CLCN2: variants seen among roughly 807,000 people sequenced by gnomAD.
The protein encoded by CLCN2 is chloride voltage-gated channel 2.
In CLCN2, 72 loss-of-function variants were observed where a neutral mutation model predicts 108.3. The observed-to-expected ratio is 0.66, with a 90% CI of 0.55 to 0.81. CLCN2 has a LOEUF of 0.81. Among genes scored for constraint, CLCN2 ranks in the 30% least tolerant of loss-of-function variants. The pLI is 0.00. For synonymous variants in CLCN2, 471 were observed against 467.1 expected, an observed-to-expected ratio of 1.01 and a Z score of -0.11; for missense variants, 1,048 against 1,205.2, an observed-to-expected ratio of 0.87 and a Z score of 1.93.
At chr3:184,353,605 C>G in intron 16 of CLCN2, 57 bp downstream of exon 16, 1 of 1,606,376 alleles carries the variant, frequency 6.2e-7, no homozygotes, top group East Asian at 2.2e-5. Context: ...CCTGCCCCTT[C>G]CCGAAGCTTC....
intron 16 of CLCN2, 34 bp from the exon 17 acceptor site, chr3:184,353,456 A>C: frequency 6.3e-7 from 1 of 1,578,064 alleles, no homozygotes; most frequent in Non-Finnish European, 8.6e-7. Flanking sequence ...TCAGGAGCTG[A>C]GAGGGAGCCC....
In CLCN2 at chr3:184,357,947, C is replaced by T. The variant is rs761241882; in HGVS notation, c.615+15G>A. ...CCACCAGGAGGGACTCCTTCATTCCCCAGCCTGCAGTTACCTCTTTGCCAA... is the reference window on the plus strand; with the variant it reads ...CCACCAGGAGGGACTCCTTCATTCCTCAGCCTGCAGTTACCTCTTTGCCAA... On this transcript the variant is annotated intron_variant, in intron 5 of 23. Coordinates refer to ENST00000265593, the MANE Select transcript of CLCN2 (RefSeq NM_004366.6). 2.5e-6 allele frequency: 4 copies of T among 1,613,828 alleles called. No homozygotes were observed. Among genetic ancestry groups the T allele is most frequent in the East Asian group, 4.5e-5 (2 of 44,896 alleles).
chr3:184,351,170 C>T lies in CLCN2; in HGVS notation c.2415+843G>A, dbSNP rs532256476. Among the ~76,000 whole-genome samples, 3 of 152,268 alleles carry T rather than the reference C, an allele frequency of 2.0e-5. No homozygotes were observed. The East Asian group carries it at 5.8e-4, about 29-fold the overall frequency. Reference sequence around the variant, plus strand: ...CTCTTAGGCAGAGCTTGTGTGTAAGCTGAATGCCCAAGCTGCAGGTTTTGG... The same window carrying T: ...CTCTTAGGCAGAGCTTGTGTGTAAGTTGAATGCCCAAGCTGCAGGTTTTGG... On this transcript the variant is annotated intron_variant, in intron 22 of 23. Coordinates refer to ENST00000265593, the MANE Select transcript of CLCN2 (RefSeq NM_004366.6).
chr3:184,359,042 A>G lies in CLCN2; in HGVS notation c.153T>C (p.Gly51=), dbSNP rs1309239304. 1 of 1,613,426 alleles carries G rather than the reference A, an allele frequency of 6.2e-7. No individual in the cohort carries two copies. Among genetic ancestry groups the G allele is most frequent in the African/African-American group, 1.3e-5 (1 of 74,982 alleles). ...CTGGGGCAGCCCGAGAGGAAGGGGG[A>G]CCTTTCCAGGGTTCAGGCCCTCCCA... ...IRLGGPEPWK[G]PPSSRAAPEL... The change falls in exon 2 of 24, where the codon GGT becomes GGC. Residue 51 remains glycine, a synonymous_variant. Coordinates refer to ENST00000265593, the MANE Select transcript of CLCN2 (RefSeq NM_004366.6).
At chr3:184,357,133 C>G (rs377456351) in intron 9 of CLCN2, 39 bp from the exon 10 acceptor site, 44 of 1,609,496 alleles carry the variant, frequency 2.7e-5, no homozygotes, top group Middle Eastern at 3.3e-4. Flanking sequence ...AAGGAGCCTT[C>G]TAGAAACCCC....
chr3:184,353,048 C>A lies in CLCN2; in HGVS notation c.2128G>T (p.Gly710Ter). Residue 710 changes from glycine to a stop codon, truncating the protein, a stop_gained, in exon 18 of 24, where the codon GGA becomes TGA. Transcript: ENST00000265593. LOFTEE classifies it high-confidence loss of function. Reference protein sequence around the residue: ...KRGPSVTRNLGESPTGSAESA... With the variant: ...KRGPSVTRNL Reference sequence around the variant, plus strand: ...ATGGGCTTACCTGTGGGACTCTCTCCGAGGTTCCTGGTGACACTGGGCCCC... The same window carrying A: ...ATGGGCTTACCTGTGGGACTCTCTCAGAGGTTCCTGGTGACACTGGGCCCC... The A allele has an allele frequency of 6.2e-7, 1 of 1,614,074 alleles. No homozygotes were observed. Among genetic ancestry groups the A allele is most frequent in the Non-Finnish European group, 8.5e-7 (1 of 1,179,958 alleles).
At position 184,355,575 on chromosome 3, in the gene CLCN2, G is replaced by A. The variant is rs773305039; in HGVS notation, c.1171-46C>T. ...CAGGCTGGGAAACCGACAGGATGAA[G>A]GGAAGAGGCCATGGGATCCCACGGG... On this transcript the variant is annotated intron_variant, in intron 11 of 23. Transcript: ENST00000265593. The surrounding 1 kb of genome is among the most constrained non-coding windows in gnomAD (Gnocchi z 6.3). 3 of 1,612,676 alleles carry A rather than the reference G, an allele frequency of 1.9e-6. No individual in the cohort carries two copies. In the East Asian group the frequency reaches 6.7e-5, roughly 36 times the overall value.
At chr3:184,347,043 G>T in intron 22 of CLCN2, 22 bp from the exon 23 acceptor site, 1 of 1,591,866 alleles carries the variant, frequency 6.3e-7, no homozygotes, top group South Asian at 1.1e-5. Flanking sequence ...GGAGAAAAGC[G>T]ATTGGACTTG....
chr3:184,354,324 G>C lies in CLCN2; in HGVS notation c.1508-10C>G. The C allele has an allele frequency of 6.2e-7, 1 of 1,612,246 alleles. No homozygotes were observed. Among genetic ancestry groups the C allele is most frequent in the Non-Finnish European group, 8.5e-7 (1 of 1,179,382 alleles). On this transcript the variant is annotated splice_polypyrimidine_tract_variant and intron_variant, in intron 14 of 23. Coordinates refer to ENST00000265593, the MANE Select transcript of CLCN2 (RefSeq NM_004366.6). ...GCCAGCGCAGCTGCCCCTGGGGACA[G>C]TCACACTCAGTCTCCTCAGGGTGCC...
chr3:184,350,145 A>G (rs1263474607), intron 22 of CLCN2, among the ~76,000 whole-genome samples: 1 of 152,166 alleles, frequency 6.6e-6, no homozygotes, highest in Non-Finnish European at 1.5e-5. Context: ...TTTGTAACAA[A>G]TATCTACTTT....
At chr3:184,356,461 C>A (rs987258426) in intron 10 of CLCN2, 15 of 164,642 alleles carry the variant, frequency 9.1e-5, no homozygotes, top group African/African-American at 1.7e-4. Flanking sequence ...ACCAACGTGG[C>A]GAAACTGTCT....
chr3:184,348,360 C>G (rs1727842563), intron 22 of CLCN2: 1 of 152,192 alleles, frequency 6.6e-6, no homozygotes, highest in Middle Eastern at 3.4e-3. Context: ...GTGGTGCATG[C>G]CTGCAGTCCC....
intron 3 of CLCN2, 27 bp downstream of exon 3, chr3:184,358,655 C>T: frequency 6.4e-7 from 1 of 1,558,348 alleles, no homozygotes; most frequent in Non-Finnish European, 8.7e-7. Flanking sequence ...TATTCCCAGT[C>T]CTCCCCCTGC....
intron 22 of CLCN2, among the ~76,000 whole-genome samples, chr3:184,350,196 T>C (rs1437184228): frequency 3.3e-5 from 5 of 152,158 alleles, no homozygotes; most frequent in Admixed American, 6.6e-5. Context: ...ATGGAACCCA[T>C]TGGAGGGCCC....
chr3:184,352,341 A>G lies in CLCN2; in HGVS notation c.2272-10T>C, dbSNP rs750188390. Reference sequence around the variant, plus strand: ...CCAGGTCCGCGTCACTCTAGTAGAGAGGGAGGGAGGCTGGCAGCTAGGGGC... The same window carrying G: ...CCAGGTCCGCGTCACTCTAGTAGAGGGGGAGGGAGGCTGGCAGCTAGGGGC... On this transcript the variant is annotated splice_polypyrimidine_tract_variant and intron_variant, in intron 20 of 23. Coordinates refer to ENST00000265593, the MANE Select transcript of CLCN2 (RefSeq NM_004366.6). The G allele has an allele frequency of 6.2e-7, 1 of 1,613,798 alleles. No individual in the cohort carries two copies. Among genetic ancestry groups the G allele is most frequent in the Non-Finnish European group, 8.5e-7 (1 of 1,180,020 alleles).
intron 13 of CLCN2, 42 bp from the exon 14 acceptor site, chr3:184,354,700 G>A: frequency 6.9e-7 from 1 of 1,445,770 alleles, no homozygotes; most frequent in African/African-American, 1.4e-5. Context: ...CAGTGGAGGG[G>A]GAGGGCAGGG....
intron 1 of CLCN2, among the ~76,000 whole-genome samples, chr3:184,359,986 TG>T (rs1177625073): frequency 0.017 from 95 of 5,598 alleles, no homozygotes; most frequent in Admixed American, 0.083. Flanking sequence ...GGGGCTGGGA[TG>T]GGGGGGAGGG....
At chr3:184,354,483 C>G in intron 14 of CLCN2, 65 bp downstream of exon 14, 2 of 1,309,244 alleles carry the variant, frequency 1.5e-6, no homozygotes, top group Non-Finnish European at 2.2e-6. Flanking sequence ...ACCAGAGTCT[C>G]GGACCCTGTG....
intron 10 of CLCN2, chr3:184,356,692 A>C: frequency 4.8e-6 from 2 of 414,108 alleles, no homozygotes; most frequent in Non-Finnish European, 9.0e-6. Flanking sequence ...CATGGGGGGA[A>C]CCTGAGGCTC....
Sources: gnomAD v4.1 joint callset for allele counts (sites outside exome capture counted in the v4.1 genomes callset) on GRCh38, gnomAD v4.1.1 for gene constraint, Gnocchi (gnomAD v3.1) non-coding constraint, MANE v1.5 for transcripts, NCBI Gene and HGNC (gene_info 2026-07-23, HGNC 2026-07-21) for gene names.